The following PTK2 variants were observed in gnomAD, a reference collection of about 807,000 sequenced individuals.
PTK2 encodes focal adhesion kinase 1.
A neutral mutation model predicts 150.1 loss-of-function variants in PTK2; 45 were observed. The ratio of observed to expected loss-of-function variants is 0.30; its 90% CI spans 0.24 to 0.38. The LOEUF is 0.38. PTK2 is among the 10% of genes least tolerant of loss of function. The pLI is 1.00. For synonymous variants in PTK2, 432 were observed against 449.2 expected, an observed-to-expected ratio of 0.96 and a Z score of 0.48; for missense variants, 919 against 1,307.3, an observed-to-expected ratio of 0.70 and a Z score of 4.58.
intron 8 of PTK2, among the ~76,000 whole-genome samples, chr8:140,825,423 T>C (rs554615934): frequency 7.9e-5 from 12 of 152,218 alleles, no homozygotes; most frequent in African/African-American, 1.4e-4. Context: ...TAAAATCATG[T>C]GTTCCTGGTA....
intron 3 of PTK2, among the ~76,000 whole-genome samples, chr8:140,889,845 G>A (rs2154607368): frequency 6.6e-6 from 1 of 152,260 alleles, no homozygotes; most frequent in East Asian, 1.9e-4. Flanking sequence ...TCAGAAAGAT[G>A]TAGTTACCTT....
At chr8:140,675,246 A>G (rs2100012938) in intron 28 of PTK2, among the ~76,000 whole-genome samples, 2 of 150,378 alleles carry the variant, frequency 1.3e-5, no homozygotes, top group African/African-American at 4.9e-5. Context: ...GCTCACTGCA[A>G]CCCTAAGGAG....
intron 31 of PTK2, among the ~76,000 whole-genome samples, 181 bp from the exon 36 acceptor site, chr8:140,659,859 T>C (rs2076938006): frequency 6.6e-6 from 1 of 152,202 alleles, no homozygotes; most frequent in African/African-American, 2.4e-5. Context: ...CCTGCACCAA[T>C]GAACTTTTCA....
Position 140,679,003 on chromosome 8 carries a change from G to GTTTTTT in PTK2, c.2563-3510_2563-3505dup, listed in dbSNP as rs533089786. Reference sequence around the variant, plus strand: ...TCACGGCCAGCTGAGTGCTCCCCATGTTTTTTTTTTTTTTTTTTTTTTTTT... The same window carrying GTTTTTT: ...TCACGGCCAGCTGAGTGCTCCCCATGTTTTTTTTTTTTTTTTTTTTTTTTTTTTTTT... On this transcript the variant is annotated intron_variant, in intron 27 of 31. Transcript: ENST00000522684. 9.1e-4 allele frequency among the ~76,000 whole-genome samples: 63 copies of GTTTTTT among 68,996 alleles called. 9 individuals carry two copies. Among genetic ancestry groups the GTTTTTT allele is most frequent in the East Asian group, 5.1e-3 (11 of 2,156 alleles). The allele number at this position is 68,996 out of a possible 152,430, so 45.3% of individuals were successfully genotyped here.
At chr8:140,964,226 T>A (rs2100184405) in intron 1 of PTK2, among the ~76,000 whole-genome samples, 1 of 152,146 alleles carries the variant, frequency 6.6e-6, no homozygotes, top group African/African-American at 2.4e-5. Flanking sequence ...CTATAATCAA[T>A]AATTTGCCTG....
intron 26 of PTK2, among the ~76,000 whole-genome samples, chr8:140,699,742 T>C (rs879623185): frequency 1.3e-5 from 2 of 151,944 alleles, no homozygotes; most frequent in Non-Finnish European, 1.5e-5. Flanking sequence ...ATAATGACAC[T>C]ACTAAAATTT....
At chr8:140,892,708 A>G in intron 2 of PTK2, 1 of 380,778 alleles carries the variant, frequency 2.6e-6, no homozygotes. Flanking sequence ...TGCCAAAAAC[A>G]CAAAAGAAAA....
intron 2 of PTK2, among the ~76,000 whole-genome samples, chr8:140,899,553 C>T (rs970340423): frequency 1.3e-5 from 2 of 152,144 alleles, no homozygotes; most frequent in African/African-American, 4.8e-5. Context: ...GCAAACTCTT[C>T]TACTCAAAAA....
chr8:140,772,806 G>A (rs1056408872), intron 14 of PTK2, among the ~76,000 whole-genome samples: 2 of 152,138 alleles, frequency 1.3e-5, no homozygotes, highest in Non-Finnish European at 1.5e-5. Flanking sequence ...GAGACATCAC[G>A]TTACTATTCT....
intron 3 of PTK2, among the ~76,000 whole-genome samples, chr8:140,888,983 T>C (rs959003707): frequency 7.9e-5 from 12 of 152,162 alleles, no homozygotes; most frequent in Non-Finnish European, 1.6e-4. Context: ...ATAAACCTTA[T>C]GGCAGGATGC....
Position 140,744,646 on chromosome 8 carries a change from T to C in PTK2, c.1634+6A>G. ...GGAACTTAACAGCTTTATGACTGTATCTTACCTGTGTACAAATCTTTTGCT... is the reference window on the plus strand; with the variant it reads ...GGAACTTAACAGCTTTATGACTGTACCTTACCTGTGTACAAATCTTTTGCT... On this transcript the variant is annotated splice_donor_region_variant and intron_variant, in intron 19 of 31. Coordinates refer to ENST00000522684, the Ensembl canonical transcript of PTK2. 2 of 1,530,632 alleles carry C rather than the reference T, an allele frequency of 1.3e-6. No individual in the cohort carries two copies. Among genetic ancestry groups the C allele is most frequent in the Non-Finnish European group, 1.8e-6 (2 of 1,117,304 alleles). The allele number at this position is 1,530,632 out of a possible 1,614,324, so 94.8% of individuals were successfully genotyped here.
intron 2 of PTK2, among the ~76,000 whole-genome samples, chr8:140,923,428 G>T (rs1490331947): frequency 1.3e-5 from 2 of 152,182 alleles, no homozygotes; most frequent in African/African-American, 4.8e-5. Flanking sequence ...AGATGAAAAT[G>T]AAGTTCAGAG....
At chr8:140,804,780 C>T (rs373796856) in intron 10 of PTK2, among the ~76,000 whole-genome samples, 27 of 152,324 alleles carry the variant, frequency 1.8e-4, no homozygotes, top group East Asian at 9.6e-4. Context: ...CATCTTCCTG[C>T]GCCGTTTGTA....
At chr8:140,927,975 A>AATATATATATATATATATATAT (rs1179717665) in intron 1 of PTK2, among the ~76,000 whole-genome samples, 2 of 48,192 alleles carry the variant, frequency 4.2e-5, no homozygotes, top group African/African-American at 9.8e-5. Context: ...AAAAAAAAAA[A>AATATATATATATATATATATAT]ATATATATAT....
rs577714642 is a variant in PTK2 at position 140,833,249 on chromosome 8, A to G, written c.594-2723T>C. ...GGTTTTCTTAAACTTCTTTTGACTA[A>G]TAATGAATTTGTAACGTTTGTCCAT... On this transcript the variant is annotated intron_variant, in intron 7 of 31. Transcript: ENST00000522684. 1.4e-4 allele frequency among the ~76,000 whole-genome samples: 21 copies of G among 152,334 alleles called. No homozygotes were observed. The South Asian group carries it at 3.9e-3, about 29-fold the overall frequency.
intron 7 of PTK2, among the ~76,000 whole-genome samples, 157 bp from the exon 8 acceptor site, chr8:140,830,683 C>T (rs186783310): frequency 2.8e-4 from 42 of 152,190 alleles, no homozygotes; most frequent in Non-Finnish European, 7.4e-5. Flanking sequence ...CCAGTATATT[C>T]ACAGGAAGGA....
chr8:140,974,780 C>T (rs942087508), intron 1 of PTK2, among the ~76,000 whole-genome samples: 1 of 152,150 alleles, frequency 6.6e-6, no homozygotes, highest in African/African-American at 2.4e-5. Context: ...AGCTCACATA[C>T]ACACACAATT....
chr8:140,839,155 A>G (rs1388277227), intron 7 of PTK2, among the ~76,000 whole-genome samples: 1 of 152,160 alleles, frequency 6.6e-6, no homozygotes, highest in African/African-American at 2.4e-5. Flanking sequence ...ACTAACACAA[A>G]GCACGACAGG....
intron 23 of PTK2, among the ~76,000 whole-genome samples, chr8:140,708,676 A>G (rs529036743): frequency 6.6e-6 from 1 of 152,174 alleles, no homozygotes; most frequent in Non-Finnish European, 1.5e-5. Context: ...AAAGGGTATA[A>G]AGAGAGCATT....
Sources: allele counts gnomAD v4.1 joint callset (sites outside exome capture counted in the v4.1 genomes callset), GRCh38; gene constraint gnomAD v4.1.1; transcripts MANE v1.5; gene names NCBI Gene and HGNC (gene_info 2026-07-23, HGNC 2026-07-21).